CLVS1: variants seen among roughly 807,000 people sequenced by gnomAD.
CLVS1 encodes the protein clavesin 1.
Under a neutral mutation model 33.1 loss-of-function variants are expected in CLVS1, and 10 were observed. The ratio of observed to expected loss-of-function variants is 0.30; its 90% CI spans 0.19 to 0.51. The LOEUF (loss-of-function observed/expected upper bound fraction) is 0.51. Among genes scored for constraint, CLVS1 ranks in the 20% least tolerant of loss-of-function variants. The pLI, the probability that CLVS1 is intolerant of heterozygous loss-of-function variation, is 0.97. For synonymous variants in CLVS1, 163 were observed against 166.1 expected, an observed-to-expected ratio of 0.98 and a Z score of 0.14; for missense variants, 343 against 433.4, an observed-to-expected ratio of 0.79 and a Z score of 1.85.
In CLVS1 at chr8:61,365,255, C is replaced by T. The variant is rs1036068274; in HGVS notation, c.456-11350C>T. Among the ~76,000 whole-genome samples the T allele has an allele frequency of 2.6e-5, 4 of 152,108 alleles. No homozygotes were observed. The East Asian group carries it at 7.7e-4, about 29-fold the overall frequency. ...AAGATCTATAAATGTTGGCCAGGTGCGTTGGCTCACGTCTGTAATCCCAGT... is the reference window on the plus strand; with the variant it reads ...AAGATCTATAAATGTTGGCCAGGTGTGTTGGCTCACGTCTGTAATCCCAGT... On this transcript the variant is annotated intron_variant, in intron 2 of 5. Transcript: ENST00000325897.
chr8:61,121,647 A>G (rs191415535), intron 1 of CLVS1, among the ~76,000 whole-genome samples: 11 of 152,326 alleles, frequency 7.2e-5, no homozygotes, highest in Admixed American at 7.2e-4. Context: ...GTGAACAGAT[A>G]TTGTGGCCTG....
chr8:60,966,314 A>G, the CLVS1 span: 2 of 453,676 alleles, frequency 4.4e-6, no homozygotes, highest in Admixed American at 2.4e-5. Flanking sequence ...ATCCTCAAGC[A>G]GCAGCCTCTG....
chr8:61,108,381 A>G (rs561398044), intron 1 of CLVS1, among the ~76,000 whole-genome samples: 13 of 152,184 alleles, frequency 8.5e-5, no homozygotes, highest in African/African-American at 3.1e-4. Flanking sequence ...TATGCCATTC[A>G]TTATTGTTGA....
rs547635199 is a variant in CLVS1, at chr8:61,422,112, G to C, written c.631-32029G>C. ...CCAGGTTGATTTTTTTTTTTTTGAA[G>C]AACATTTTTTCTCCAGTTTTAAAGG... On this transcript the variant is annotated intron_variant, in intron 3 of 5. Coordinates refer to ENST00000325897, the MANE Select transcript of CLVS1 (RefSeq NM_173519.3). Among the ~76,000 whole-genome samples, 11 of 149,754 alleles carry C rather than the reference G, an allele frequency of 7.3e-5. No homozygotes were observed. In the South Asian group the frequency reaches 2.1e-3, roughly 29 times the overall value.
At chr8:61,075,307 G>T (rs140156528) in intron 1 of CLVS1, among the ~76,000 whole-genome samples, 1 of 152,282 alleles carries the variant, frequency 6.6e-6, no homozygotes, top group East Asian at 1.9e-4. Flanking sequence ...AGAGCAATGG[G>T]TTGATCCAAA....
the CLVS1 span, among the ~76,000 whole-genome samples, chr8:60,985,633 C>T: frequency 6.6e-6 from 1 of 152,158 alleles, no homozygotes; most frequent in Non-Finnish European, 1.5e-5. Flanking sequence ...TTTACCAGTT[C>T]TGAAATGGCT....
chr8:60,986,195 A>G, the CLVS1 span, among the ~76,000 whole-genome samples: 6 of 152,252 alleles, frequency 3.9e-5, no homozygotes, highest in Admixed American at 1.3e-4. Flanking sequence ...CAGTGTGCAG[A>G]TAGACTTGCC....
chr8:61,412,953 G>A (rs552375020), intron 3 of CLVS1, among the ~76,000 whole-genome samples: 2 of 152,192 alleles, frequency 1.3e-5, no homozygotes, highest in African/African-American at 4.8e-5. Flanking sequence ...TTTCCCCCAC[G>A]CTAATAATGG....
chr8:61,358,216 A>G (rs979906552), intron 2 of CLVS1, among the ~76,000 whole-genome samples: 1 of 152,204 alleles, frequency 6.6e-6, no homozygotes, highest in Admixed American at 6.5e-5. Flanking sequence ...AAGATAAAGT[A>G]CTGACTTCTT....
chr8:61,267,917 A>G (rs913789652), intron 2 of CLVS1, among the ~76,000 whole-genome samples: 1 of 152,224 alleles, frequency 6.6e-6, no homozygotes, highest in Non-Finnish European at 1.5e-5. Flanking sequence ...CGAGCATGAA[A>G]AAGGCTATTA....
At chr8:61,266,069 G>T (rs1324045944) in intron 2 of CLVS1, among the ~76,000 whole-genome samples, 1 of 152,130 alleles carries the variant, frequency 6.6e-6, no homozygotes, top group Non-Finnish European at 1.5e-5. Flanking sequence ...TCAGATGAGA[G>T]CCTGTCTGTT....
At chr8:61,357,337 T>C (rs1182287515) in intron 2 of CLVS1, among the ~76,000 whole-genome samples, 3 of 151,980 alleles carry the variant, frequency 2.0e-5, no homozygotes, top group Non-Finnish European at 2.9e-5. Context: ...ACTGTACCTA[T>C]ATTGATGCAT....
intron 3 of CLVS1, among the ~76,000 whole-genome samples, chr8:61,415,027 G>A (rs549441517): frequency 3.9e-5 from 6 of 152,374 alleles, no homozygotes; most frequent in Non-Finnish European, 7.3e-5. Context: ...ATAGTTAACC[G>A]AGGTTTCCCA....
At chr8:60,995,424 C>T in the CLVS1 span, among the ~76,000 whole-genome samples, 1 of 152,184 alleles carries the variant, frequency 6.6e-6, no homozygotes, top group Non-Finnish European at 1.5e-5. Context: ...CTCACCATCA[C>T]TGGCCATCAG....
chr8:61,401,103 G>A (rs1814731689), intron 3 of CLVS1, among the ~76,000 whole-genome samples: 1 of 151,378 alleles, frequency 6.6e-6, no homozygotes, highest in Non-Finnish European at 1.5e-5. Context: ...AAATACACTT[G>A]ATTTTTGTAT....
intron 3 of CLVS1, among the ~76,000 whole-genome samples, chr8:61,443,511 A>G (rs117026252): frequency 6.6e-6 from 1 of 152,074 alleles, no homozygotes; most frequent in African/African-American, 2.4e-5. Flanking sequence ...TCTTTATGCC[A>G]CTGGAGTGCT....
chr8:60,985,714 G>C, the CLVS1 span, among the ~76,000 whole-genome samples: 1 of 151,698 alleles, frequency 6.6e-6, no homozygotes, highest in South Asian at 2.1e-4. Context: ...AAGTATAATA[G>C]TAGCTCATGC....
chr8:61,117,351 A>T (rs1163705543), intron 1 of CLVS1, among the ~76,000 whole-genome samples: 1 of 148,802 alleles, frequency 6.7e-6, no homozygotes, highest in Non-Finnish European at 1.5e-5. Flanking sequence ...TTCCTAATTG[A>T]ATACCCTTTA....
rs1166606940 is a variant in CLVS1, at chr8:61,149,551, C to CAAAAAAAAAAAAAAAAAAAAAAAAAA, written c.-152+17708_-152+17709insAAAAAAAAAAAAAAAAAAAAAAAAAA. On this transcript the variant is annotated intron_variant, in intron 2 of 2. Transcript: ENST00000522621. ...TAGGCGACAGAACGAGACTCTGTCT[C>CAAAAAAAAAAAAAAAAAAAAAAAAAA]AAAAAAAAAAAAAAAAACAAAAAAC... Among the ~76,000 whole-genome samples the CAAAAAAAAAAAAAAAAAAAAAAAAAA allele has an allele frequency of 3.7e-4, 19 of 51,978 alleles. 1 individual carries two copies. Among genetic ancestry groups the CAAAAAAAAAAAAAAAAAAAAAAAAAA allele is most frequent in the Non-Finnish European group, 5.7e-4 (13 of 22,928 alleles). The allele number at this position is 51,978 out of a possible 152,430, so 34.1% of individuals were successfully genotyped here. A position where few individuals can be genotyped will look rare whatever the true frequency, so the allele number is the denominator to read the frequency against.
Sources: allele counts gnomAD v4.1 joint callset (sites outside exome capture counted in the v4.1 genomes callset), GRCh38; gene constraint gnomAD v4.1.1; transcripts MANE v1.5; gene names NCBI Gene and HGNC (gene_info 2026-07-23, HGNC 2026-07-21).